PREX1: variants seen among roughly 807,000 people sequenced by gnomAD.
PREX1 encodes phosphatidylinositol 3,4,5-trisphosphate-dependent Rac exchanger 1 protein.
A neutral mutation model predicts 198.3 loss-of-function variants in PREX1; 41 were observed. The observed-to-expected ratio is 0.21, with a 90% CI of 0.16 to 0.27. The LOEUF (loss-of-function observed/expected upper bound fraction) is 0.27. Among genes scored for constraint, PREX1 ranks in the 10% least tolerant of loss-of-function variants. The pLI is 1.00. For missense variants in PREX1, 1,620 were observed against 2,200.7 expected (o/e 0.74, Z 5.28); for synonymous variants, 843 against 887.2 (o/e 0.95, Z 0.89).
At chr20:48,834,460 G>C in the PREX1 span, among the ~76,000 whole-genome samples, 1 of 152,074 alleles carries the variant, frequency 6.6e-6, no homozygotes, top group African/African-American at 2.4e-5. Context: ...GAAAGCTGAT[G>C]GTTTCCTCTG....
At chr20:48,874,809 G>A in the PREX1 span, among the ~76,000 whole-genome samples, 4 of 150,354 alleles carry the variant, frequency 2.7e-5, no homozygotes, top group African/African-American at 7.4e-5. Flanking sequence ...CCCAGGAGGT[G>A]GAGGTTGTAG....
chr20:48,751,595 A>G (rs541854372), intron 1 of PREX1, among the ~76,000 whole-genome samples: 1 of 152,336 alleles, frequency 6.6e-6, no homozygotes, highest in African/African-American at 2.4e-5. Flanking sequence ...CGTCCCCTGC[A>G]CTGGCAGGAT....
intron 16 of PREX1, 149 bp downstream of exon 16, chr20:48,659,770 G>A: frequency 1.8e-6 from 2 of 1,090,562 alleles, no homozygotes; most frequent in South Asian, 3.1e-5. Flanking sequence ...CTGGCTTCTT[G>A]GCAGAGTTGC....
At chr20:48,836,415 CA>C in the PREX1 span, among the ~76,000 whole-genome samples, 6 of 152,148 alleles carry the variant, frequency 3.9e-5, no homozygotes, top group African/African-American at 1.4e-4. Context: ...GAGGCTGGAA[CA>C]GGGGTGAGGG....
At chr20:48,882,852 T>C in the PREX1 span, among the ~76,000 whole-genome samples, 1 of 152,016 alleles carries the variant, frequency 6.6e-6, no homozygotes, top group South Asian at 2.1e-4. Flanking sequence ...CATCTTTTCA[T>C]AAGCTTATTG....
At chr20:48,696,247 A>G (rs555690744) in intron 7 of PREX1, among the ~76,000 whole-genome samples, 1 of 152,350 alleles carries the variant, frequency 6.6e-6, no homozygotes, top group African/African-American at 2.4e-5. Context: ...ATTTAAATCT[A>G]TAATCCAGCT....
chr20:48,650,085 G>C lies in PREX1; in HGVS notation c.2939C>G (p.Ser980Cys), dbSNP rs929351375. 1 of 1,614,216 alleles carries C rather than the reference G, an allele frequency of 6.2e-7. No individual in the cohort carries two copies. Among genetic ancestry groups the C allele is most frequent in the Admixed American group, 1.7e-5 (1 of 60,036 alleles). Residue 980 changes from serine to cysteine, a missense_variant, in exon 24 of 40, where the codon TCC becomes TGC. Transcript: ENST00000371941. ...TNCHINLMEV[S>C]YPKTTPSVGR... ...CACTGAGGGGGTGGTCTTGGGGTAGGACACTTCCATGAGGTTGATGTGGCA... is the reference window on the plus strand; with the variant it reads ...CACTGAGGGGGTGGTCTTGGGGTAGCACACTTCCATGAGGTTGATGTGGCA...
the PREX1 span, among the ~76,000 whole-genome samples, chr20:48,835,685 A>G: frequency 6.6e-6 from 1 of 152,148 alleles, no homozygotes; most frequent in Non-Finnish European, 1.5e-5. Flanking sequence ...TGCATCTAGA[A>G]AGGAGAGGAA....
chr20:48,701,189 G>A (rs958182075), intron 6 of PREX1, among the ~76,000 whole-genome samples: 1 of 152,022 alleles, frequency 6.6e-6, no homozygotes, highest in Non-Finnish European at 1.5e-5. Flanking sequence ...CAACATCTGG[G>A]TATATTTTGG....
the PREX1 span, among the ~76,000 whole-genome samples, chr20:48,886,200 C>T: frequency 6.6e-6 from 1 of 152,258 alleles, no homozygotes; most frequent in South Asian, 2.1e-4. Context: ...TACAGAAATT[C>T]TATTTTCCAC....
At chr20:48,808,165 G>A (rs1293555600) in intron 1 of PREX1, among the ~76,000 whole-genome samples, 1 of 152,172 alleles carries the variant, frequency 6.6e-6, no homozygotes, top group Non-Finnish European at 1.5e-5. Context: ...GGTGCTTCCT[G>A]CTCTGGGGCT....
chr20:48,640,035 A>G, intron 29 of PREX1, 141 bp from the exon 30 acceptor site: 1 of 1,178,268 alleles, frequency 8.5e-7, no homozygotes, highest in Non-Finnish European at 1.2e-6. Context: ...CCTGGGCATT[A>G]TCGGGTCCAC....
intron 29 of PREX1, among the ~76,000 whole-genome samples, chr20:48,641,836 GAGAGAGGAAGGAAGGAAGGAAGGA>G (rs1214056591): frequency 0.01 from 1,217 of 116,858 alleles, 26 homozygotes; most frequent in Non-Finnish European, 0.012. Flanking sequence ...GAGAGAGAGA[GAGAGAGGAAGGAAGGAAGGAAGGA>G]AGGAAGGAAG....
rs185590538 is a variant in PREX1 at position 48,644,633 on chromosome 20, G to A, written c.3513-136C>T. ...GGGCGTGCAGCCCAGAGAGGGCACC[G>A]AGCACCGGTCCTGGGTCCCAAAGGC... is the stretch of plus-strand genomic sequence containing the variant. On this transcript the variant is annotated intron_variant, in intron 26 of 39. Transcript: ENST00000371941. 171 of 728,636 alleles carry A rather than the reference G, an allele frequency of 2.3e-4. 1 individual carries two copies. The highest frequency in any genetic ancestry group is 2.0e-3 in the Admixed American group (69 of 35,150). The allele number at this position is 728,636 out of a possible 1,614,324, so 45.1% of individuals were successfully genotyped here.
intron 1 of PREX1, among the ~76,000 whole-genome samples, chr20:48,753,830 C>T (rs2090144967): frequency 6.6e-6 from 1 of 152,182 alleles, no homozygotes; most frequent in African/African-American, 2.4e-5. Flanking sequence ...CACCCCTGGA[C>T]CCATATAAGA....
chr20:48,858,120 C>T, the PREX1 span, among the ~76,000 whole-genome samples: 3 of 152,222 alleles, frequency 2.0e-5, no homozygotes, highest in Admixed American at 6.5e-5. Context: ...GGCTGCCAGT[C>T]GAGGCCTCCA....
At chr20:48,807,373 G>A (rs188664275) in intron 1 of PREX1, among the ~76,000 whole-genome samples, 3 of 152,052 alleles carry the variant, frequency 2.0e-5, no homozygotes, top group East Asian at 3.9e-4. Flanking sequence ...CCTCCTTAAA[G>A]GTACAGCACA....
rs142636675 is a variant in PREX1, at chr20:48,790,430, AG to A, written c.219+37211del. ...AAGGCTCCACTCTCCCCAGGCTCCA[AG>A]GAAAAAGGAGGGTGGAGGGCTGCAA... On this transcript the variant is annotated intron_variant, in intron 1 of 39. Coordinates refer to ENST00000371941, the MANE Select transcript of PREX1 (RefSeq NM_020820.4). Among the ~76,000 whole-genome samples the A allele has an allele frequency of 1.4e-4, 21 of 152,248 alleles. No individual in the cohort carries two copies. The East Asian group carries it at 2.9e-3, about 21-fold the overall frequency.
intron 4 of PREX1, among the ~76,000 whole-genome samples, chr20:48,730,536 G>C (rs2090030649): frequency 5.3e-5 from 8 of 152,006 alleles, no homozygotes; most frequent in Admixed American, 5.2e-4. Flanking sequence ...GGATTCTGGA[G>C]GTCTGGGGGC....
Sources: allele counts gnomAD v4.1 joint callset (sites outside exome capture counted in the v4.1 genomes callset), GRCh38; gene constraint gnomAD v4.1.1; transcripts MANE v1.5; gene names NCBI Gene and HGNC (gene_info 2026-07-23, HGNC 2026-07-21).